TANC1: variants seen among roughly 807,000 people sequenced by gnomAD.
The protein encoded by TANC1 is tetratricopeptide repeat, ankyrin repeat and coiled-coil containing 1, also known as protein TANC1.
In TANC1, 77 loss-of-function variants were observed where a neutral mutation model predicts 149.7. That is an observed-to-expected ratio of 0.51 (90% CI 0.43 to 0.62). TANC1 has a LOEUF of 0.62. Among genes scored for constraint, TANC1 ranks in the 20% least tolerant of loss-of-function variants. The pLI, the probability that TANC1 is intolerant of heterozygous loss-of-function variation, is 0.00. For missense variants in TANC1, 1,985 were observed against 2,321.8 expected (o/e 0.85, Z 2.98); for synonymous variants, 854 against 925.0 (o/e 0.92, Z 1.39).
At position 159,094,774 on chromosome 2, in the gene TANC1, T is replaced by TG. The variant is rs368971756; in HGVS notation, c.62-2853dup. ...AGGGTGGATGAAGCTTGTGTGTGTG[T>TG]GGGGGGGGGGTGGGGGCCAGCCTGG... On this transcript the variant is annotated intron_variant, in intron 3 of 26. Transcript: ENST00000263635. Among the ~76,000 whole-genome samples the TG allele has an allele frequency of 4.0e-3, 215 of 53,434 alleles. 1 individual carries two copies. Among genetic ancestry groups the TG allele is most frequent in the East Asian group, 0.02 (19 of 936 alleles). The allele number at this position is 53,434 out of a possible 152,430, so 35.1% of individuals were successfully genotyped here.
chr2:159,072,454 A>G (rs1238057785), intron 3 of TANC1, among the ~76,000 whole-genome samples: 2 of 152,162 alleles, frequency 1.3e-5, no homozygotes, highest in African/African-American at 4.8e-5. Context: ...TTTAACTTGA[A>G]TTTGGACATA....
chr2:159,097,870 A>ATGT, intron 4 of TANC1, 36 bp downstream of exon 4: 1 of 1,574,300 alleles, frequency 6.4e-7, no homozygotes, highest in Non-Finnish European at 8.7e-7. Context: ...TTGGTTATAT[A>ATGT]TGTAGTACCT....
chr2:159,170,939 G>A, intron 10 of TANC1, 134 bp downstream of exon 10: 1 of 958,040 alleles, frequency 1.0e-6, no homozygotes, highest in Non-Finnish European at 1.5e-6. Context: ...CATCATGTGT[G>A]AAGTGAACTG....
chr2:158,975,636 A>C (rs1204585702), intron 1 of TANC1, among the ~76,000 whole-genome samples: 1 of 150,360 alleles, frequency 6.7e-6, no homozygotes, highest in African/African-American at 2.5e-5. Context: ...GGGTCTCACC[A>C]TGTTGCCCAG....
At chr2:159,149,024 C>A in intron 5 of TANC1, 118 bp from the exon 6 acceptor site, 1 of 1,209,138 alleles carries the variant, frequency 8.3e-7, no homozygotes, top group South Asian at 1.6e-5. Flanking sequence ...CAACTTTGTG[C>A]GCATTTTATA....
intron 2 of TANC1, among the ~76,000 whole-genome samples, chr2:159,043,399 G>T (rs2040806818): frequency 6.6e-6 from 1 of 152,102 alleles, no homozygotes; most frequent in Admixed American, 6.5e-5. Context: ...TGAGACCAGG[G>T]ACGTGCTCAT....
chr2:159,224,141 A>C, intron 22 of TANC1, 91 bp from the exon 23 acceptor site: 1 of 1,458,362 alleles, frequency 6.9e-7, no homozygotes, highest in Non-Finnish European at 9.4e-7. Context: ...ATCTAAAATC[A>C]GAGTGAAGCT....
chr2:159,004,568 T>C (rs1227935313), intron 2 of TANC1, among the ~76,000 whole-genome samples: 1 of 152,188 alleles, frequency 6.6e-6, no homozygotes, highest in Non-Finnish European at 1.5e-5. Flanking sequence ...TGGTTTTTAA[T>C]TCCTGGTTTT....
At chr2:158,975,828 C>G (rs1311868116) in intron 1 of TANC1, among the ~76,000 whole-genome samples, 3 of 137,128 alleles carry the variant, frequency 2.2e-5, no homozygotes, top group Non-Finnish European at 4.6e-5. Flanking sequence ...TTGTTTCTTT[C>G]TTATCTTTTT....
intron 2 of TANC1, among the ~76,000 whole-genome samples, chr2:159,010,694 A>G (rs1389090614): frequency 5.3e-5 from 8 of 151,884 alleles, no homozygotes; most frequent in Non-Finnish European, 1.2e-4. Context: ...TACATTCAGA[A>G]CTATGTGCTT....
intron 4 of TANC1, among the ~76,000 whole-genome samples, chr2:159,113,237 C>A (rs2047933919): frequency 6.6e-6 from 1 of 152,170 alleles, no homozygotes; most frequent in African/African-American, 2.4e-5. Flanking sequence ...GGATTATGGG[C>A]ATGAGAAGTT....
In TANC1 at chr2:159,225,028, A is replaced by C. The variant is rs75310983; in HGVS notation, c.3812-660A>C. 1,111 of 157,830 alleles carry C rather than the reference A, an allele frequency of 7.0e-3. 9 individuals are homozygous for C. The highest frequency in any genetic ancestry group is 0.011 in the Non-Finnish European group (753 of 71,512). 9.8% of individuals were successfully genotyped at this position (157,830 alleles called of 1,614,324 possible). Reference sequence around the variant, plus strand: ...CAGTGAATAGTGCCAGGAACTATCCAAGCAGTTTCGCCCTCTGCCTTAATC... The same window carrying C: ...CAGTGAATAGTGCCAGGAACTATCCCAGCAGTTTCGCCCTCTGCCTTAATC... On this transcript the variant is annotated intron_variant, in intron 23 of 26. Transcript: ENST00000263635.
intron 3 of TANC1, among the ~76,000 whole-genome samples, chr2:159,074,655 T>G (rs1039392671): frequency 1.3e-5 from 2 of 152,222 alleles, no homozygotes; most frequent in Admixed American, 6.5e-5. Flanking sequence ...CTAGAAAGCT[T>G]CTTTCCAAGT....
At chr2:159,226,793 C>T (rs1052027806) in intron 24 of TANC1, 3 of 151,980 alleles carry the variant, frequency 2.0e-5, no homozygotes, top group African/African-American at 7.3e-5. Flanking sequence ...CACAACTCCC[C>T]AGTTCTGATG....
chr2:159,025,023 AT>A (rs1271016867), intron 2 of TANC1, among the ~76,000 whole-genome samples: 2 of 152,168 alleles, frequency 1.3e-5, no homozygotes, highest in East Asian at 3.9e-4. Context: ...TATCCCCATC[AT>A]TAAGCCACCT....
chr2:159,062,915 C>T (rs2042343203), intron 2 of TANC1, among the ~76,000 whole-genome samples: 2 of 138,256 alleles, frequency 1.4e-5, no homozygotes, highest in Non-Finnish European at 1.5e-5. Context: ...TGCAGTGAGC[C>T]GAGATTGCAC....
intron 4 of TANC1, among the ~76,000 whole-genome samples, chr2:159,118,615 C>T (rs2150075145): frequency 6.6e-6 from 1 of 152,260 alleles, no homozygotes; most frequent in South Asian, 2.1e-4. Flanking sequence ...TTTACTTTCT[C>T]AATATAGACT....
chr2:159,019,159 TGCAGGTCA>T lies in TANC1; in HGVS notation c.-16+17975_-16+17982del, dbSNP rs2038563144. Among the ~76,000 whole-genome samples the T allele has an allele frequency of 4.6e-5, 7 of 152,328 alleles. No homozygotes were observed. In the South Asian group the frequency reaches 8.3e-4, roughly 18 times the overall value. Reference sequence around the variant, plus strand: ...GGCTGGTGTGCAGCAGAGCCGGGATTGCAGGTCAGCAGTCTGCTCCAGAGCCCAAGCTC... The same window carrying T: ...GGCTGGTGTGCAGCAGAGCCGGGATTGCAGTCTGCTCCAGAGCCCAAGCTC... On this transcript the variant is annotated intron_variant, in intron 2 of 26. Transcript: ENST00000263635.
intron 3 of TANC1, among the ~76,000 whole-genome samples, chr2:159,095,851 C>T (rs989447862): frequency 1.4e-5 from 2 of 146,158 alleles, no homozygotes; most frequent in African/African-American, 5.0e-5. Flanking sequence ...ACACAAAAAA[C>T]AAGCACAGTG....
Sources: gnomAD v4.1 joint callset for allele counts (sites outside exome capture counted in the v4.1 genomes callset) on GRCh38, gnomAD v4.1.1 for gene constraint, MANE v1.5 for transcripts, NCBI Gene and HGNC (gene_info 2026-07-23, HGNC 2026-07-21) for gene names.